PDS5A: variants seen among roughly 807,000 people sequenced by gnomAD.
PDS5A encodes PDS5 cohesin associated factor A.
A neutral mutation model predicts 167.1 loss-of-function variants in PDS5A; 42 were observed. That is an observed-to-expected ratio of 0.25 (90% CI 0.20 to 0.33). The LOEUF (loss-of-function observed/expected upper bound fraction) is 0.33. Among genes scored for constraint, PDS5A ranks in the 10% least tolerant of loss-of-function variants. PDS5A has a pLI of 1.00. For synonymous variants in PDS5A, 553 were observed against 554.6 expected, an observed-to-expected ratio of 1.00 and a Z score of 0.04; for missense variants, 1,033 against 1,605.9, an observed-to-expected ratio of 0.64 and a Z score of 6.10.
chr4:39,855,802 GAA>G (rs1224763846), intron 26 of PDS5A, among the ~76,000 whole-genome samples: 1 of 152,064 alleles, frequency 6.6e-6, no homozygotes, highest in Non-Finnish European at 1.5e-5. Flanking sequence ...TGAACAGAAA[GAA>G]AAGAGAATGA....
intron 1 of PDS5A, 52 bp from the exon 2 acceptor site, chr4:39,976,669 CTT>C (rs1276193369): frequency 2.2e-6 from 2 of 926,978 alleles, no homozygotes; most frequent in East Asian, 2.5e-5. Context: ...TTTGTAACCT[CTT>C]TTTTCATTTC....
chr4:39,976,421 A>C lies in PDS5A; in HGVS notation c.138+19T>G, dbSNP rs1479714913. ...AAGCGCCTTCTACCAAAGACATCAA[A>C]ATCCGTCCAGACACTTACCTTCAGG... On this transcript the variant is annotated intron_variant, in intron 2 of 32. Coordinates refer to ENST00000303538, the MANE Select transcript of PDS5A (RefSeq NM_001100399.2). The C allele has an allele frequency of 6.2e-7, 1 of 1,603,252 alleles. No homozygotes were observed. Among genetic ancestry groups the C allele is most frequent in the South Asian group, 1.1e-5 (1 of 90,704 alleles).
At chr4:39,844,465 C>T (rs559301495) in intron 30 of PDS5A, among the ~76,000 whole-genome samples, 191 bp downstream of exon 30, 3 of 121,636 alleles carry the variant, frequency 2.5e-5, no homozygotes, top group African/African-American at 3.3e-5. Context: ...GGGACAAGAG[C>T]GAGACTTTGT....
chr4:39,900,378 G>A (rs1197962212), intron 14 of PDS5A, 48 bp downstream of exon 14: 1 of 1,175,278 alleles, frequency 8.5e-7, no homozygotes, highest in East Asian at 2.5e-5. Context: ...CAGAAAATCT[G>A]AACAGTGACT....
intron 28 of PDS5A, chr4:39,848,488 A>G: frequency 4.7e-6 from 1 of 214,702 alleles, no homozygotes; most frequent in Non-Finnish European, 9.3e-6. Flanking sequence ...ATAAAGATGA[A>G]GAAATGGAGG....
At chr4:39,850,353 G>C (rs1718022738) in intron 26 of PDS5A, among the ~76,000 whole-genome samples, 2 of 151,944 alleles carry the variant, frequency 1.3e-5, no homozygotes, top group African/African-American at 2.4e-5. Context: ...AGCTGGGCAT[G>C]GTAGTGGGCT....
intron 31 of PDS5A, among the ~76,000 whole-genome samples, chr4:39,839,343 G>A (rs553701109): frequency 8.9e-4 from 135 of 152,166 alleles, no homozygotes; most frequent in Admixed American, 1.8e-3. Flanking sequence ...AGGCCAAGGC[G>A]GGTGGATCAC....
chr4:39,849,052 G>C (rs1717885927), intron 27 of PDS5A, 82 bp from the exon 28 acceptor site: 2 of 998,736 alleles, frequency 2.0e-6, no homozygotes, highest in Non-Finnish European at 2.9e-6. Context: ...GTATAATTTA[G>C]AGTTAAAAGA....
At chr4:39,904,011 C>T (rs773866811) in intron 12 of PDS5A, 29 bp downstream of exon 12, 1 of 1,434,050 alleles carries the variant, frequency 7.0e-7, no homozygotes, top group Non-Finnish European at 9.4e-7. Flanking sequence ...GTTTTACACT[C>T]AACCATTCTA....
chr4:39,868,592 G>T, intron 22 of PDS5A: 1 of 448,794 alleles, frequency 2.2e-6, no homozygotes, highest in Non-Finnish European at 4.4e-6. Context: ...GCCTCCCAAA[G>T]TGCTGGGATT....
chr4:39,940,936 C>T (rs1383660775), intron 2 of PDS5A, among the ~76,000 whole-genome samples: 1 of 152,208 alleles, frequency 6.6e-6, no homozygotes, highest in Non-Finnish European at 1.5e-5. Context: ...TCCCAAAGTC[C>T]TGGAATTACA....
In PDS5A at chr4:39,927,981, T is replaced by C; in HGVS notation, c.322A>G (p.Thr108Ala). The change falls in exon 3 of 33, where the codon ACT becomes GCT. Residue 108 changes from threonine to alanine, a missense_variant. By Grantham distance (58) the Thr-to-Ala change is moderately conservative. Around this residue, in one of 4 missense-constraint regions of PDS5A, gnomAD observed 388 missense variants for 615.1 expected, o/e 0.63. Transcript: ENST00000303538. ...TTTACCTTAAGTTTATCATGGGAAG[T>C]ATATGGAGCTTCTGGGGCATAGATA... ...FRIYAPEAPYTSHDKLKDIFL... is the reference protein window; with the variant it reads ...FRIYAPEAPYASHDKLKDIFL... 1 of 1,612,924 alleles carries C rather than the reference T, an allele frequency of 6.2e-7. No individual in the cohort carries two copies. Among genetic ancestry groups the C allele is most frequent in the Non-Finnish European group, 8.5e-7 (1 of 1,179,034 alleles).
rs1018843657 is a variant in PDS5A, at chr4:39,824,777, G to C, written c.*708C>G. ...CAAATTATATTAAACTAAAATGAGG[G>C]GAAATCAAAATATGAACTGTTTACT... On this transcript the variant is annotated 3_prime_UTR_variant, in exon 33 of 33. Coordinates refer to ENST00000303538, the MANE Select transcript of PDS5A (RefSeq NM_001100399.2). 3 of 152,214 alleles carry C rather than the reference G, an allele frequency of 2.0e-5. No individual in the cohort carries two copies. The highest frequency in any genetic ancestry group is 4.4e-5 in the Non-Finnish European group (3 of 67,974). 9.4% of individuals were successfully genotyped at this position (152,214 alleles called of 1,614,324 possible).
chr4:39,914,621 G>T lies in PDS5A; in HGVS notation c.877-895C>A, dbSNP rs1285539824. Reference sequence around the variant, plus strand: ...AAAAGCAAAACTTCATTGTTTTCTAGTAAGATTATATTTTCTTATCCTGAA... The same window carrying T: ...AAAAGCAAAACTTCATTGTTTTCTATTAAGATTATATTTTCTTATCCTGAA... On this transcript the variant is annotated intron_variant, in intron 8 of 32. Coordinates refer to ENST00000303538, the MANE Select transcript of PDS5A (RefSeq NM_001100399.2). Among the ~76,000 whole-genome samples, 3 of 152,166 alleles carry T rather than the reference G, an allele frequency of 2.0e-5. No homozygotes were observed. In the East Asian group the frequency reaches 5.8e-4, roughly 29 times the overall value.
intron 2 of PDS5A, among the ~76,000 whole-genome samples, chr4:39,942,405 A>AACAT (rs1727306444): frequency 6.6e-6 from 1 of 152,032 alleles, no homozygotes; most frequent in Non-Finnish European, 1.5e-5. Flanking sequence ...ACCCTACCCA[A>AACAT]ACATACGCTC....
At chr4:39,909,525 A>G (rs1723713110) in intron 10 of PDS5A, among the ~76,000 whole-genome samples, 2 of 152,232 alleles carry the variant, frequency 1.3e-5, no homozygotes, top group South Asian at 4.1e-4. Context: ...CTAATTAAAA[A>G]GCTTAAAAGA....
chr4:39,869,314 A>C, intron 22 of PDS5A, 80 bp downstream of exon 22: 1 of 880,370 alleles, frequency 1.1e-6, no homozygotes, highest in African/African-American at 1.7e-5. Flanking sequence ...CTGTTTATTA[A>C]ATTTTTTAAA....
At position 39,926,756 on chromosome 4, in the gene PDS5A, A is replaced by T; in HGVS notation, c.429+19T>A. On this transcript the variant is annotated intron_variant, in intron 4 of 32. Coordinates refer to ENST00000303538, the MANE Select transcript of PDS5A (RefSeq NM_001100399.2). The stretch of plus-strand genomic sequence containing the variant: ...ATGTGAAATAATGTTAATAGTTATT[A>T]AAGTTTTTTTTTTTTTACCTCTAAT... 1 of 1,301,902 alleles carries T rather than the reference A, an allele frequency of 7.7e-7. No homozygotes were observed. Among genetic ancestry groups the T allele is most frequent in the African/African-American group, 1.6e-5 (1 of 64,300 alleles). 80.6% of individuals were successfully genotyped at this position (1,301,902 alleles called of 1,614,324 possible).
intron 32 of PDS5A, among the ~76,000 whole-genome samples, chr4:39,836,756 G>A (rs1300630268): frequency 1.3e-5 from 2 of 150,316 alleles, no homozygotes; most frequent in Admixed American, 6.6e-5. Context: ...GAGTCACTGG[G>A]CCCAGCTCAT....
Sources: gnomAD v4.1 joint callset for allele counts (sites outside exome capture counted in the v4.1 genomes callset) on GRCh38, gnomAD v4.1.1 for gene constraint, gnomAD v4.1.1 regional missense constraint, MANE v1.5 for transcripts, NCBI Gene and HGNC (gene_info 2026-07-23, HGNC 2026-07-21) for gene names.